GRIP1: variants seen among roughly 807,000 people sequenced by gnomAD.
GRIP1 encodes glutamate receptor-interacting protein 1.
A neutral mutation model predicts 129.9 loss-of-function variants in GRIP1; 45 were observed. The ratio of observed to expected loss-of-function variants is 0.35; its 90% CI spans 0.27 to 0.44. GRIP1 has a LOEUF of 0.44. Ranked by LOEUF, GRIP1 falls within the 20% of genes least tolerant of loss-of-function variation. The pLI, the probability that GRIP1 is intolerant of heterozygous loss-of-function variation, is 1.00. For synonymous variants in GRIP1, 530 were observed against 520.8 expected (o/e 1.02, Z -0.24); for missense variants, 1,196 against 1,396.8 (o/e 0.86, Z 2.29).
intron 23 of GRIP1, among the ~76,000 whole-genome samples, chr12:66,369,340 CTT>C (rs758593628): frequency 0.014 from 1,523 of 106,686 alleles, 19 homozygotes; most frequent in African/African-American, 0.055. Flanking sequence ...TTAACAAGAT[CTT>C]TTTTTTTTTT....
intron 1 of GRIP1, among the ~76,000 whole-genome samples, chr12:66,788,077 G>T (rs2038412033): frequency 6.6e-6 from 1 of 151,992 alleles, no homozygotes; most frequent in African/African-American, 2.4e-5. Flanking sequence ...CTGCCATAGG[G>T]GTGGTCATGG....
chr12:66,509,911 A>G (rs1040880648), intron 7 of GRIP1, among the ~76,000 whole-genome samples: 1 of 152,110 alleles, frequency 6.6e-6, no homozygotes, highest in Non-Finnish European at 1.5e-5. Context: ...TTACCTATGT[A>G]ACAAACCTGC....
intron 1 of GRIP1, among the ~76,000 whole-genome samples, chr12:66,988,958 AC>A: frequency 6.6e-6 from 1 of 152,322 alleles, no homozygotes; most frequent in Middle Eastern, 3.4e-3. Flanking sequence ...ACTTACATCT[AC>A]AAATATTTCC....
At chr12:66,516,250 A>G (rs903961435) in intron 6 of GRIP1, among the ~76,000 whole-genome samples, 1 of 152,180 alleles carries the variant, frequency 6.6e-6, no homozygotes, top group Non-Finnish European at 1.5e-5. Flanking sequence ...TTATAAGGCC[A>G]TTTGGCAATA....
intron 16 of GRIP1, among the ~76,000 whole-genome samples, chr12:66,399,873 G>A (rs2056922821): frequency 6.6e-6 from 1 of 151,858 alleles, no homozygotes; most frequent in Non-Finnish European, 1.5e-5. Context: ...AAATTTCTTG[G>A]AGTCGGACAG....
intron 2 of GRIP1, among the ~76,000 whole-genome samples, chr12:66,547,693 T>C (rs2061988833): frequency 6.6e-6 from 1 of 152,194 alleles, no homozygotes; most frequent in South Asian, 2.1e-4. Flanking sequence ...CATTGTGTGA[T>C]TCCATTTATT....
intron 1 of GRIP1, among the ~76,000 whole-genome samples, chr12:66,985,159 C>T (rs2042293411): frequency 1.3e-5 from 2 of 152,190 alleles, no homozygotes; most frequent in South Asian, 4.1e-4. Context: ...AAGTACATGG[C>T]ATTTTTATGA....
intron 1 of GRIP1, among the ~76,000 whole-genome samples, chr12:67,027,597 T>C (rs1452464902): frequency 1.3e-5 from 2 of 152,150 alleles, no homozygotes; most frequent in East Asian, 3.9e-4. Context: ...CTGGCTATGA[T>C]TAGAAGCACA....
chr12:66,752,227 C>T (rs1031520177), intron 1 of GRIP1, among the ~76,000 whole-genome samples: 9 of 152,086 alleles, frequency 5.9e-5, no homozygotes, highest in African/African-American at 2.2e-4. Context: ...TGGTTAGGAT[C>T]ATAGCTTGGA....
chr12:66,429,687 T>G (rs1341852428), intron 14 of GRIP1, among the ~76,000 whole-genome samples: 1 of 152,048 alleles, frequency 6.6e-6, no homozygotes, highest in South Asian at 2.1e-4. Context: ...CAGAGTGAGA[T>G]CCTGTCTCAA....
chr12:66,926,824 A>G (rs1175345698), intron 1 of GRIP1, among the ~76,000 whole-genome samples: 4 of 152,242 alleles, frequency 2.6e-5, no homozygotes, highest in Admixed American at 6.5e-5. Context: ...ACTCTATTAA[A>G]ATAACAAAGC....
intron 16 of GRIP1, among the ~76,000 whole-genome samples, chr12:66,403,559 G>A (rs1220657688): frequency 6.6e-6 from 1 of 152,074 alleles, no homozygotes; most frequent in Non-Finnish European, 1.5e-5. Flanking sequence ...ATAAAACCAT[G>A]TCTGAATGAG....
Position 66,796,780 on chromosome 12 carries a change from C to G in GRIP1, c.-420+7273G>C, listed in dbSNP as rs187671180. Among the ~76,000 whole-genome samples the G allele has an allele frequency of 2.0e-5, 3 of 152,118 alleles. No individual in the cohort carries two copies. In the East Asian group the frequency reaches 5.8e-4, roughly 29 times the overall value. On this transcript the variant is annotated intron_variant, in intron 1 of 4. Coordinates refer to the GRIP1 transcript ENST00000538373. ...TTACCACAAATACAATCTTCCTATT[C>G]TTGAAAGAATAAAGATGGTAAGAAG...
At chr12:66,966,393 C>T (rs1019564583) in intron 1 of GRIP1, among the ~76,000 whole-genome samples, 1 of 152,130 alleles carries the variant, frequency 6.6e-6, no homozygotes, top group Non-Finnish European at 1.5e-5. Flanking sequence ...CATCGCTCCA[C>T]TTATATCAAC....
Position 66,374,563 on chromosome 12 carries a change from A to AT in GRIP1, c.2778+2453dup, listed in dbSNP as rs527889904. Among the ~76,000 whole-genome samples, 393 of 152,142 alleles carry AT rather than the reference A, an allele frequency of 2.6e-3. 5 individuals are homozygous for AT. Among genetic ancestry groups the AT allele is most frequent in the Non-Finnish European group, 1.7e-3 (114 of 67,970 alleles). On this transcript the variant is annotated intron_variant, in intron 22 of 24. Coordinates refer to ENST00000359742, the MANE Select transcript of GRIP1 (RefSeq NM_001366722.1). Reference sequence around the variant, plus strand: ...TTGCCATGCTGACCATCCATTTATTATTTTTACCTACTTAGACTAGTTGTT... The same window carrying AT: ...TTGCCATGCTGACCATCCATTTATTATTTTTTACCTACTTAGACTAGTTGTT...
Position 66,348,022 on chromosome 12 carries a change from G to T in GRIP1, c.*997C>A, listed in dbSNP as rs1176535641. 6.6e-6 allele frequency: 1 copy of T among 152,180 alleles called. No individual in the cohort carries two copies. Among genetic ancestry groups the T allele is most frequent in the African/African-American group, 2.4e-5 (1 of 41,454 alleles). The allele number at this position is 152,180 out of a possible 1,614,324, so 9.4% of individuals were successfully genotyped here. A position where few individuals can be genotyped will look rare whatever the true frequency, so the allele number is the denominator to read the frequency against. On this transcript the variant is annotated 3_prime_UTR_variant, in exon 25 of 25. Transcript: ENST00000359742. Reference sequence around the variant, plus strand: ...ACTGTCACAATTTATTGCTTTGAGGGATGGTAATAATTGGCAATGCATTTG... The same window carrying T: ...ACTGTCACAATTTATTGCTTTGAGGTATGGTAATAATTGGCAATGCATTTG...
At chr12:66,513,314 T>G (rs2060752821) in intron 7 of GRIP1, among the ~76,000 whole-genome samples, 2 of 152,158 alleles carry the variant, frequency 1.3e-5, no homozygotes, top group Admixed American at 6.5e-5. Flanking sequence ...CCCTGCTTCC[T>G]TTTCTAACTT....
At chr12:66,985,866 T>C (rs1453927256) in intron 1 of GRIP1, among the ~76,000 whole-genome samples, 1 of 152,218 alleles carries the variant, frequency 6.6e-6, no homozygotes, top group Non-Finnish European at 1.5e-5. Flanking sequence ...CTGTAATTCA[T>C]GTGCCTCTGG....
At chr12:66,949,816 G>A (rs1181566228) in intron 1 of GRIP1, among the ~76,000 whole-genome samples, 1 of 138,308 alleles carries the variant, frequency 7.2e-6, no homozygotes, top group East Asian at 2.2e-4. Context: ...CGCCCAGGCT[G>A]GAGTGCAGTG....
Sources: allele counts gnomAD v4.1 joint callset (sites outside exome capture counted in the v4.1 genomes callset), GRCh38; gene constraint gnomAD v4.1.1; transcripts MANE v1.5; gene names NCBI Gene and HGNC (gene_info 2026-07-23, HGNC 2026-07-21).